LRRC7: variants seen among roughly 807,000 people sequenced by gnomAD.
LRRC7 encodes leucine-rich repeat-containing protein 7.
Under a neutral mutation model 175.7 loss-of-function variants are expected in LRRC7, and 23 were observed. That is an observed-to-expected ratio of 0.13 (90% confidence interval 0.09 to 0.19). The LOEUF (loss-of-function observed/expected upper bound fraction) is 0.19, where lower values mean the gene tolerates loss of function less well. LRRC7 is among the 10% of genes least tolerant of loss of function. LRRC7 has a pLI of 1.00. For missense variants in LRRC7, 1,354 were observed against 1,904.7 expected (o/e 0.71, Z 5.38); for synonymous variants, 685 against 680.9 (o/e 1.01, Z -0.09).
chr1:69,975,599 C>T (rs1054820385), intron 8 of LRRC7, among the ~76,000 whole-genome samples: 1 of 152,120 alleles, frequency 6.6e-6, no homozygotes, highest in Non-Finnish European at 1.5e-5. Context: ...CTCAGTGATG[C>T]CTCTCAAACT....
At chr1:69,586,579 T>A (rs1392685686) in intron 1 of LRRC7, among the ~76,000 whole-genome samples, 1 of 152,094 alleles carries the variant, frequency 6.6e-6, no homozygotes, top group African/African-American at 2.4e-5. Flanking sequence ...GGGGGAGAAT[T>A]CAGTGAGGTA....
intron 16 of LRRC7, chr1:70,021,393 G>GA (rs113085310): frequency 0.018 from 4,712 of 255,484 alleles, 177 homozygotes; most frequent in African/African-American, 0.095. Context: ...AGGGAAAGTA[G>GA]AAAAAAAAAT....
At chr1:69,764,233 G>T (rs756114701) in intron 3 of LRRC7, among the ~76,000 whole-genome samples, 1 of 151,590 alleles carries the variant, frequency 6.6e-6, no homozygotes, top group Non-Finnish European at 1.5e-5. Flanking sequence ...TTTGAATTAG[G>T]AACTTAAAAT....
intron 1 of LRRC7, among the ~76,000 whole-genome samples, chr1:69,638,107 G>A (rs1653675399): frequency 6.6e-6 from 1 of 151,806 alleles, no homozygotes; most frequent in Non-Finnish European, 1.5e-5. Context: ...TTAGAGAATA[G>A]CCAAGTTTAT....
chr1:69,766,031 A>G lies in LRRC7; in HGVS notation c.303+5638A>G, dbSNP rs1430068555. Among the ~76,000 whole-genome samples, 5 of 151,344 alleles carry G rather than the reference A, an allele frequency of 3.3e-5. No homozygotes were observed. The East Asian group carries it at 9.7e-4, about 29-fold the overall frequency. ...TTTCAAGAAGTGAGTTAAAATCAAC[A>G]GACCAAAAAAAAAAAAATGTCCTTA... On this transcript the variant is annotated intron_variant, in intron 3 of 26. Coordinates refer to ENST00000651989, the MANE Select transcript of LRRC7 (RefSeq NM_001370785.2).
At chr1:69,579,918 G>T (rs1474056233) in intron 1 of LRRC7, among the ~76,000 whole-genome samples, 1 of 151,458 alleles carries the variant, frequency 6.6e-6, no homozygotes. Context: ...ACAGGTGTGA[G>T]CCACTGCACC....
In LRRC7 at chr1:70,141,348, C is replaced by A. The variant is rs1667054952; in HGVS notation, c.*19461C>A. The A allele has an allele frequency of 6.6e-6, 1 of 152,038 alleles. No individual in the cohort carries two copies. The highest frequency in any genetic ancestry group is 1.5e-5 in the Non-Finnish European group (1 of 67,972). 9.4% of individuals were successfully genotyped at this position (152,038 alleles called of 1,614,324 possible). A position where few individuals can be genotyped will look rare whatever the true frequency, so the allele number is the denominator to read the frequency against. ...ACAATAGCTTCATGCAGACTTTGGC[C>A]CAACTCTGTCTACAAATACTTTTGC... On this transcript the variant is annotated 3_prime_UTR_variant, in exon 27 of 27. Transcript: ENST00000651989.
At chr1:69,834,251 A>T (rs1306641636) in intron 5 of LRRC7, among the ~76,000 whole-genome samples, 2 of 152,114 alleles carry the variant, frequency 1.3e-5, no homozygotes, top group Non-Finnish European at 1.5e-5. Flanking sequence ...ATACATGTTG[A>T]GCAGACATTA....
intron 8 of LRRC7, among the ~76,000 whole-genome samples, chr1:69,948,092 C>G (rs1320112420): frequency 6.6e-6 from 1 of 152,110 alleles, no homozygotes; most frequent in Non-Finnish European, 1.5e-5. Context: ...AGAGACAGAG[C>G]AGGACAGTGC....
At chr1:69,965,221 A>G (rs1256577171) in intron 8 of LRRC7, among the ~76,000 whole-genome samples, 1 of 152,178 alleles carries the variant, frequency 6.6e-6, no homozygotes, top group Admixed American at 6.5e-5. Flanking sequence ...GGTTTGGGAA[A>G]CATATAGTAG....
intron 2 of LRRC7, among the ~76,000 whole-genome samples, chr1:69,735,301 G>A (rs755755074): frequency 2.0e-5 from 3 of 152,004 alleles, no homozygotes; most frequent in Non-Finnish European, 4.4e-5. Flanking sequence ...CGCTACAGTA[G>A]TTTCTCTGCA....
chr1:69,967,540 A>G (rs767873374), intron 8 of LRRC7, among the ~76,000 whole-genome samples: 3 of 152,108 alleles, frequency 2.0e-5, no homozygotes, highest in Non-Finnish European at 4.4e-5. Context: ...AAGGAACCTC[A>G]CAGAGTCCAT....
At chr1:69,952,699 C>T (rs1312270938) in intron 8 of LRRC7, among the ~76,000 whole-genome samples, 1 of 151,954 alleles carries the variant, frequency 6.6e-6, no homozygotes, top group African/African-American at 2.4e-5. Context: ...TGAACTAGAA[C>T]TGCATTCTTC....
rs59212223 is a variant in LRRC7, at chr1:69,600,800, CTTTT to C, written c.2+32184_2+32187del. On this transcript the variant is annotated intron_variant, in intron 1 of 26. Coordinates refer to ENST00000651989, the MANE Select transcript of LRRC7 (RefSeq NM_001370785.2). ...CCATTTCTCCAAGGATCTCTGGTTT[CTTTT>C]TTTTTTTTTTTTTTTTTTTTTTTTG... Among the ~76,000 whole-genome samples the C allele has an allele frequency of 2.3e-4, 15 of 64,898 alleles. 1 individual carries two copies. Among genetic ancestry groups the C allele is most frequent in the African/African-American group, 7.4e-4 (12 of 16,174 alleles). The allele number at this position is 64,898 out of a possible 152,430, so 42.6% of individuals were successfully genotyped here. A position where few individuals can be genotyped will look rare whatever the true frequency, so the allele number is the denominator to read the frequency against.
At position 69,785,345 on chromosome 1, in the gene LRRC7, CT is replaced by C. The variant is rs1207339955; in HGVS notation, c.304-6694del. On this transcript the variant is annotated intron_variant, in intron 3 of 26. Transcript: ENST00000651989. ...AAATCAGTATTGCTGTGTAAACTTT[CT>C]TTTAGTTAATTTTGACAGTTTTACA... Among the ~76,000 whole-genome samples, 17 of 152,110 alleles carry C rather than the reference CT, an allele frequency of 1.1e-4. 1 individual carries two copies. The East Asian group carries it at 2.9e-3, about 26-fold the overall frequency.
chr1:69,747,928 A>G (rs1306507418), intron 2 of LRRC7, among the ~76,000 whole-genome samples: 1 of 152,104 alleles, frequency 6.6e-6, no homozygotes, highest in Non-Finnish European at 1.5e-5. Flanking sequence ...ACATGCCTTT[A>G]ACTTCCTTGC....
At chr1:69,751,939 CA>C (rs1669888728) in intron 2 of LRRC7, among the ~76,000 whole-genome samples, 1 of 152,038 alleles carries the variant, frequency 6.6e-6, no homozygotes, top group African/African-American at 2.4e-5. Context: ...AAGAACAGTC[CA>C]TTGATCTTGG....
intron 7 of LRRC7, among the ~76,000 whole-genome samples, chr1:69,841,749 T>A (rs2101383911): frequency 6.6e-6 from 1 of 152,246 alleles, no homozygotes; most frequent in Non-Finnish European, 1.5e-5. Flanking sequence ...GACTCTCCAG[T>A]GCCTTAAACA....
intron 1 of LRRC7, among the ~76,000 whole-genome samples, chr1:69,657,366 C>T (rs1656757136): frequency 6.6e-6 from 1 of 151,796 alleles, no homozygotes; most frequent in Non-Finnish European, 1.5e-5. Context: ...TCATGCAAAA[C>T]ATTAGCAGTG....
Sources: gnomAD v4.1 joint callset for allele counts (sites outside exome capture counted in the v4.1 genomes callset) on GRCh38, gnomAD v4.1.1 for gene constraint, MANE v1.5 for transcripts, NCBI Gene and HGNC (gene_info 2026-07-23, HGNC 2026-07-21) for gene names.